Variants in DPP10 observed in about 807,000 individuals in gnomAD.
DPP10 encodes inactive dipeptidyl peptidase 10.
DPP10 carries 33 observed loss-of-function variants against 120.9 expected under a neutral mutation model. The ratio of observed to expected loss-of-function variants is 0.27; its 90% confidence interval spans 0.21 to 0.37. The LOEUF is 0.37. DPP10 is among the 10% of genes least tolerant of loss of function. The pLI is 1.00. For synonymous variants in DPP10, 337 were observed against 326.1 expected, an observed-to-expected ratio of 1.03 and a Z score of -0.36; for missense variants, 816 against 942.8, an observed-to-expected ratio of 0.87 and a Z score of 1.76.
At chr2:115,029,805 G>A (rs1455395457) in intron 1 of DPP10, among the ~76,000 whole-genome samples, 3 of 152,024 alleles carry the variant, frequency 2.0e-5, no homozygotes, top group African/African-American at 7.2e-5. Flanking sequence ...TTTAAGTTTT[G>A]TTTAGCAGAT....
chr2:115,596,786 A>G (rs2083016049), intron 5 of DPP10, among the ~76,000 whole-genome samples: 2 of 152,196 alleles, frequency 1.3e-5, no homozygotes, highest in African/African-American at 4.8e-5. Context: ...TTAAACAAAG[A>G]GATGACTTGT....
chr2:114,687,814 G>A (rs1007944751), intron 1 of DPP10, among the ~76,000 whole-genome samples: 3 of 151,954 alleles, frequency 2.0e-5, no homozygotes, highest in African/African-American at 4.8e-5. Context: ...GCATAGACTC[G>A]AGTTCAGGTA....
At chr2:114,747,154 G>C (rs1212987949) in intron 1 of DPP10, among the ~76,000 whole-genome samples, 2 of 152,150 alleles carry the variant, frequency 1.3e-5, no homozygotes, top group Non-Finnish European at 2.9e-5. Context: ...AGAATGATGA[G>C]TCTGCCCTTT....
At chr2:115,177,925 G>A (rs1234292276) in intron 1 of DPP10, among the ~76,000 whole-genome samples, 2 of 151,860 alleles carry the variant, frequency 1.3e-5, no homozygotes, top group African/African-American at 2.4e-5. Flanking sequence ...CACCACGCCC[G>A]GCTAACTTTT....
intron 1 of DPP10, among the ~76,000 whole-genome samples, chr2:115,115,254 G>C (rs1028459372): frequency 1.2e-4 from 18 of 152,092 alleles, no homozygotes; most frequent in African/African-American, 3.9e-4. Context: ...ACTGAGCTCT[G>C]GGAAATGGGT....
At chr2:115,332,069 T>A (rs1464860351) in intron 2 of DPP10, among the ~76,000 whole-genome samples, 5 of 152,120 alleles carry the variant, frequency 3.3e-5, no homozygotes, top group Non-Finnish European at 5.9e-5. Context: ...TTTTTTTGGT[T>A]GGTAAGCTAT....
chr2:114,591,323 A>G (rs1691441307), intron 1 of DPP10, among the ~76,000 whole-genome samples: 1 of 152,222 alleles, frequency 6.6e-6, no homozygotes, highest in African/African-American at 2.4e-5. Context: ...TAGCAGTAGT[A>G]TGGAGCACAG....
At chr2:115,289,998 G>A (rs1463518664) in intron 1 of DPP10, among the ~76,000 whole-genome samples, 2 of 151,998 alleles carry the variant, frequency 1.3e-5, no homozygotes, top group Non-Finnish European at 2.9e-5. Flanking sequence ...TAAGTAAATG[G>A]GACCTAATTA....
At chr2:115,061,945 G>T (rs188382524) in intron 1 of DPP10, among the ~76,000 whole-genome samples, 2,358 of 149,716 alleles carry the variant, frequency 0.016, 32 homozygotes, top group Admixed American at 0.039. Flanking sequence ...AGTTAAAATT[G>T]TTTTTTTTCC....
intron 1 of DPP10, among the ~76,000 whole-genome samples, chr2:114,708,322 G>A (rs1007821379): frequency 6.6e-6 from 1 of 152,126 alleles, no homozygotes; most frequent in Admixed American, 6.5e-5. Context: ...AGCATTGCAG[G>A]ATATCCTGTT....
chr2:115,288,377 G>C (rs1403309123), intron 1 of DPP10, among the ~76,000 whole-genome samples: 1 of 151,732 alleles, frequency 6.6e-6, no homozygotes, highest in Non-Finnish European at 1.5e-5. Context: ...ACTCTTCTGA[G>C]TCTATTCAAT....
chr2:115,557,503 G>T (rs1200221899), intron 5 of DPP10, among the ~76,000 whole-genome samples: 2 of 152,144 alleles, frequency 1.3e-5, no homozygotes, highest in African/African-American at 4.8e-5. Context: ...GCACTGCCTT[G>T]TTCAGAGTCT....
rs114555000 is a variant in DPP10, at chr2:114,488,274, G to C, written c.60+45436G>C. Among the ~76,000 whole-genome samples, 1,383 of 152,232 alleles carry C rather than the reference G, an allele frequency of 9.1e-3. 15 individuals carry two copies. Among genetic ancestry groups the C allele is most frequent in the African/African-American group, 0.031 (1,302 of 41,534 alleles). On this transcript the variant is annotated intron_variant, in intron 1 of 25. Coordinates refer to ENST00000410059, the MANE Select transcript of DPP10 (RefSeq NM_020868.6). ...GTGGGACTTCCTGGGTTTGAAGCTA[G>C]GCTCCATGGCTTATTTGTTAGGTGA... is the stretch of plus-strand genomic sequence containing the variant.
chr2:115,781,383 A>G (rs1156544881), intron 16 of DPP10, among the ~76,000 whole-genome samples: 2 of 151,924 alleles, frequency 1.3e-5, no homozygotes, highest in Admixed American at 1.3e-4. Context: ...TTTAGGATCT[A>G]TGGAAATTTA....
At chr2:115,631,623 T>C (rs2085878237) in intron 5 of DPP10, among the ~76,000 whole-genome samples, 1 of 152,212 alleles carries the variant, frequency 6.6e-6, no homozygotes, top group African/African-American at 2.4e-5. Context: ...TTTGTTCTCA[T>C]TGGTTTCAAA....
rs190997792 is a variant in DPP10 at position 115,334,847 on chromosome 2, C to T, written c.176-8970C>T. ...TTTGCTTGGTGATTTCTATATAAGT[C>T]TTCTTTTATGTAAAACACAAAACAA... On this transcript the variant is annotated intron_variant, in intron 2 of 25. Transcript: ENST00000410059. Among the ~76,000 whole-genome samples, 56 of 151,296 alleles carry T rather than the reference C, an allele frequency of 3.7e-4. No individual in the cohort carries two copies. The East Asian group carries it at 0.011, about 28-fold the overall frequency.
chr2:115,273,299 A>T (rs1295700593), intron 1 of DPP10, among the ~76,000 whole-genome samples: 1 of 151,776 alleles, frequency 6.6e-6, no homozygotes, highest in African/African-American at 2.4e-5. Context: ...GTTTATCTAT[A>T]CCGTTTTTTC....
At chr2:115,284,724 T>G (rs1206371605) in intron 1 of DPP10, among the ~76,000 whole-genome samples, 1 of 151,998 alleles carries the variant, frequency 6.6e-6, no homozygotes, top group African/African-American at 2.4e-5. Flanking sequence ...GTTATACACC[T>G]ATGTATCTAG....
At chr2:115,285,256 G>A (rs1431689846) in intron 1 of DPP10, among the ~76,000 whole-genome samples, 1 of 151,958 alleles carries the variant, frequency 6.6e-6, no homozygotes, top group Non-Finnish European at 1.5e-5. Flanking sequence ...AGCTTTTATT[G>A]TGCTTTGTTA....
Sources: allele counts gnomAD v4.1 joint callset (sites outside exome capture counted in the v4.1 genomes callset), GRCh38; gene constraint gnomAD v4.1.1; transcripts MANE v1.5; gene names NCBI Gene and HGNC (gene_info 2026-07-23, HGNC 2026-07-21).